Variants in APLP2 observed in about 807,000 individuals in gnomAD.
APLP2 encodes amyloid beta precursor like protein 2.
In APLP2, 53 loss-of-function variants were observed where a neutral mutation model predicts 89.9. The ratio of observed to expected loss-of-function variants is 0.59; its 90% CI spans 0.47 to 0.74. APLP2 has a LOEUF of 0.74. APLP2 is among the 30% of genes least tolerant of loss of function. The pLI is 0.00. For synonymous variants in APLP2, 372 were observed against 348.6 expected (o/e 1.07, Z -0.75); for missense variants, 973 against 975.9 (o/e 1.00, Z 0.04).
intron 13 of APLP2, among the ~76,000 whole-genome samples, chr11:130,136,530 GCTGA>G (rs1461378789): frequency 6.6e-6 from 1 of 152,146 alleles, no homozygotes; most frequent in Non-Finnish European, 1.5e-5. Flanking sequence ...TCGAATCCAA[GCTGA>G]TCTGGTCCTG....
rs577776266 is a variant in APLP2 at position 130,109,226 on chromosome 11, C to T, written c.106-203C>T. 1.5e-5 allele frequency: 6 copies of T among 403,748 alleles called. No homozygotes were observed. The South Asian group carries it at 3.1e-4, about 21-fold the overall frequency. The allele number at this position is 403,748 out of a possible 1,614,324, so 25.0% of individuals were successfully genotyped here. A position where few individuals can be genotyped will look rare whatever the true frequency, so the allele number is the denominator to read the frequency against. On this transcript the variant is annotated intron_variant, in intron 1 of 16. Coordinates refer to ENST00000338167, the MANE Select transcript of APLP2 (RefSeq NM_001142276.2). ...ATAAAATAAATAAAAAAGTTTTTTC[C>T]TTTGCCTTTCACTTTGATCATACAC... is the stretch of plus-strand genomic sequence containing the variant.
intron 1 of APLP2, among the ~76,000 whole-genome samples, chr11:130,106,088 G>A (rs1947710552): frequency 6.6e-6 from 1 of 152,156 alleles, no homozygotes; most frequent in South Asian, 2.1e-4. Flanking sequence ...GCTGTTAATG[G>A]TTAGACTGCA....
Position 130,126,699 on chromosome 11 carries a change from G to T in APLP2, c.1091-1G>T. On this transcript the variant is annotated splice_acceptor_variant, in intron 7 of 16. Coordinates refer to ENST00000338167, the MANE Select transcript of APLP2 (RefSeq NM_001142276.2). LOFTEE classifies it high-confidence loss of function. ...GAACTCCCTCTGTAATTTTGTTTCA[G>T]TTCCTCCAACTCCTCTGCCAACCAA... The T allele has an allele frequency of 1.2e-6, 2 of 1,613,682 alleles. No homozygotes were observed. The highest frequency in any genetic ancestry group is 8.5e-7 in the Non-Finnish European group (1 of 1,179,598).
chr11:130,122,142 G>T (rs892343895), intron 5 of APLP2, among the ~76,000 whole-genome samples, 163 bp from the exon 6 acceptor site: 1 of 152,152 alleles, frequency 6.6e-6, no homozygotes, highest in Non-Finnish European at 1.5e-5. Context: ...AATACTTCCC[G>T]TTTGCTGATG....
chr11:130,130,997 C>T (rs1016690236), intron 11 of APLP2, among the ~76,000 whole-genome samples: 3 of 152,262 alleles, frequency 2.0e-5, no homozygotes, highest in African/African-American at 7.2e-5. Context: ...GTGCCAGACT[C>T]CACACTGGCA....
intron 1 of APLP2, among the ~76,000 whole-genome samples, chr11:130,103,043 G>C (rs745569059): frequency 6.6e-6 from 1 of 152,174 alleles, no homozygotes; most frequent in African/African-American, 2.4e-5. Context: ...CAGGATATCA[G>C]AAGTGCTGAC....
intron 9 of APLP2, 109 bp from the exon 10 acceptor site, chr11:130,128,939 T>TA: frequency 8.0e-7 from 1 of 1,247,138 alleles, no homozygotes; most frequent in South Asian, 1.5e-5. Flanking sequence ...CCGAACCTGT[T>TA]ACTGTCTCGC....
At chr11:130,098,541 C>T (rs1194759204) in intron 1 of APLP2, among the ~76,000 whole-genome samples, 1 of 152,188 alleles carries the variant, frequency 6.6e-6, no homozygotes, top group Non-Finnish European at 1.5e-5. Context: ...GTTTTAACCT[C>T]TTGAAGTCAG....
intron 3 of APLP2, among the ~76,000 whole-genome samples, chr11:130,111,838 CAAACT>C (rs955743872): frequency 1.4e-4 from 22 of 152,256 alleles, no homozygotes; most frequent in African/African-American, 5.1e-4. Context: ...AAAAAGTTCT[CAAACT>C]AAAAGTGAAA....
chr11:130,086,526 CCA>C (rs201310489), intron 1 of APLP2, among the ~76,000 whole-genome samples: 7,114 of 152,162 alleles, frequency 0.047, 252 homozygotes, highest in Admixed American at 0.11. Flanking sequence ...TTGATGAATT[CCA>C]GTTTATCTAT....
At chr11:130,105,871 T>G (rs1053703832) in intron 1 of APLP2, among the ~76,000 whole-genome samples, 1 of 151,896 alleles carries the variant, frequency 6.6e-6, no homozygotes, top group African/African-American at 2.4e-5. Flanking sequence ...ACCCGGCTAA[T>G]TTTGTATTTT....
chr11:130,140,004 G>C (rs1952148094), intron 13 of APLP2, among the ~76,000 whole-genome samples: 1 of 152,198 alleles, frequency 6.6e-6, no homozygotes, highest in Admixed American at 6.5e-5. Context: ...TTGTGAGGAT[G>C]GGTGCTGTGG....
chr11:130,126,557 A>C (rs1255909648), intron 7 of APLP2, 143 bp from the exon 8 acceptor site: 12 of 901,938 alleles, frequency 1.3e-5, no homozygotes, highest in Non-Finnish European at 2.1e-5. Flanking sequence ...AACCAAGTGA[A>C]GTCTTGGCAG....
chr11:130,128,481 A>G (rs1254774086), intron 9 of APLP2, among the ~76,000 whole-genome samples: 1 of 152,194 alleles, frequency 6.6e-6, no homozygotes, highest in African/African-American at 2.4e-5. Context: ...TTTAATTCCT[A>G]CAGAAGTCAG....
intron 1 of APLP2, among the ~76,000 whole-genome samples, chr11:130,073,352 G>C (rs1941481743): frequency 6.6e-6 from 1 of 152,162 alleles, no homozygotes; most frequent in African/African-American, 2.4e-5. Flanking sequence ...ATTTCTGTTA[G>C]ATGGTGCTGA....
intron 1 of APLP2, among the ~76,000 whole-genome samples, chr11:130,094,054 T>C (rs1273623436): frequency 1.3e-5 from 2 of 148,336 alleles, no homozygotes; most frequent in Non-Finnish European, 3.0e-5. Context: ...CGTATTTTTT[T>C]TTTTTTTTTT....
At chr11:130,137,412 A>G (rs1951760313) in intron 13 of APLP2, 2 of 975,300 alleles carry the variant, frequency 2.1e-6, no homozygotes, top group Non-Finnish European at 3.3e-6. Context: ...TCCTTCTGAC[A>G]CGGCTGTGAG....
chr11:130,088,835 T>C (rs917438243), intron 1 of APLP2, among the ~76,000 whole-genome samples: 7 of 152,028 alleles, frequency 4.6e-5, no homozygotes, highest in African/African-American at 1.7e-4. Flanking sequence ...TTTTTTCACA[T>C]TGCACAGTCT....
chr11:130,095,321 A>T (rs912898023), intron 1 of APLP2, among the ~76,000 whole-genome samples: 13 of 152,206 alleles, frequency 8.5e-5, no homozygotes, highest in African/African-American at 2.9e-4. Flanking sequence ...GCAGTGACCT[A>T]TCATTGCACC....
Sources: gnomAD v4.1 joint callset for allele counts (sites outside exome capture counted in the v4.1 genomes callset) on GRCh38, gnomAD v4.1.1 for gene constraint, MANE v1.5 for transcripts, NCBI Gene and HGNC (gene_info 2026-07-23, HGNC 2026-07-21) for gene names.